RNF17: variants seen among roughly 807,000 people sequenced by gnomAD.
RNF17 encodes the protein ring finger protein 17, also known as spermatogenesis associated 23.
In RNF17, 31 loss-of-function variants were observed where a neutral mutation model predicts 200.5. The ratio of observed to expected loss-of-function variants is 0.15; its 90% CI spans 0.12 to 0.21. The LOEUF (loss-of-function observed/expected upper bound fraction) is 0.21. Among genes scored for constraint, RNF17 ranks in the 10% least tolerant of loss-of-function variants. The probability of loss-of-function intolerance (pLI) is 1.00; values close to 1 mark genes in which losing one functional copy is unlikely to be tolerated. For synonymous variants in RNF17, 606 were observed against 637.8 expected (o/e 0.95, Z 0.75); for missense variants, 1,628 against 1,905.1 (o/e 0.85, Z 2.71).
In RNF17 at chr13:24,820,412, G is replaced by A. The variant is rs145607237; in HGVS notation, c.2092-5207G>A. On this transcript the variant is annotated intron_variant, in intron 15 of 35. Transcript: ENST00000255324. ...GCTGGGATTACAGGCATGAGCCACCGCACCTGGCCTTTTTGTTTTGTTTTG... is the reference window on the plus strand; with the variant it reads ...GCTGGGATTACAGGCATGAGCCACCACACCTGGCCTTTTTGTTTTGTTTTG... 9.6e-3 allele frequency among the ~76,000 whole-genome samples: 1,447 copies of A among 150,604 alleles called. 33 individuals are homozygous for A. The highest frequency in any genetic ancestry group is 0.033 in the African/African-American group (1,336 of 41,002).
chr13:24,840,095 A>T (rs1451053117), intron 18 of RNF17, among the ~76,000 whole-genome samples: 1 of 152,240 alleles, frequency 6.6e-6, no homozygotes, highest in African/African-American at 2.4e-5. Flanking sequence ...AAAAAAAGAT[A>T]TACAAATGGC....
At chr13:24,856,675 A>G (rs890028738) in intron 25 of RNF17, among the ~76,000 whole-genome samples, 2 of 152,176 alleles carry the variant, frequency 1.3e-5, no homozygotes, top group African/African-American at 2.4e-5. Flanking sequence ...TTAAGGTTCC[A>G]TATATGCACG....
chr13:24,785,203 TGTGA>T (rs1882944657), intron 6 of RNF17, among the ~76,000 whole-genome samples: 2 of 152,100 alleles, frequency 1.3e-5, no homozygotes, highest in South Asian at 4.1e-4. Flanking sequence ...CCTTTTTAAA[TGTGA>T]GTATTTACAG....
intron 15 of RNF17, among the ~76,000 whole-genome samples, chr13:24,806,198 C>CT (rs1261561371): frequency 1.3e-5 from 2 of 152,116 alleles, no homozygotes; most frequent in Non-Finnish European, 1.5e-5. Flanking sequence ...GTGACTCATT[C>CT]TTTTTTATGT....
intron 4 of RNF17, 133 bp from the exon 5 acceptor site, chr13:24,779,534 A>G (rs1882063794): frequency 3.5e-6 from 2 of 564,722 alleles, no homozygotes; most frequent in East Asian, 5.8e-5. Flanking sequence ...GCTTGTTTTC[A>G]CTTTTCTGTA....
At chr13:24,825,817 A>G in intron 16 of RNF17, 45 bp downstream of exon 16, 1 of 1,573,848 alleles carries the variant, frequency 6.4e-7, no homozygotes, top group Non-Finnish European at 8.7e-7. Context: ...TCATACTTCA[A>G]AACTAATATC....
intron 18 of RNF17, among the ~76,000 whole-genome samples, chr13:24,837,495 C>T (rs1045974729): frequency 6.6e-6 from 1 of 152,110 alleles, no homozygotes; most frequent in Non-Finnish European, 1.5e-5. Context: ...TTATATCAAG[C>T]ACTCTCTCAG....
chr13:24,824,324 A>G (rs1888403249), intron 15 of RNF17: 3 of 631,978 alleles, frequency 4.7e-6, no homozygotes, highest in Non-Finnish European at 8.6e-6. Context: ...TTAAATGTTC[A>G]CTCTGGCTTA....
chr13:24,788,086 T>C lies in RNF17; in HGVS notation c.710T>C (p.Leu237Ser). The C allele has an allele frequency of 6.3e-7, 1 of 1,599,910 alleles. No homozygotes were observed. The highest frequency in any genetic ancestry group is 8.5e-7 in the Non-Finnish European group (1 of 1,175,874). ...TACATTGAAGAGAAAAAAAATAATT[T>C]GAATGCAGCTATGAACATAGCAAGA... The part of the protein sequence containing the change: ...KSYIEEKKNN[L>S]NAAMNIARAL... The change falls in exon 7 of 36, where the codon TTG (leucine) becomes TCG (serine). Residue 237 changes from leucine (L) to serine (S), a missense_variant. Leu to Ser is a moderately radical substitution (Grantham distance 145). This residue lies in a region of RNF17 where 502 missense variants were observed against 501.7 expected (regional missense o/e 1.00). Coordinates refer to ENST00000255324, the MANE Select transcript of RNF17 (RefSeq NM_031277.3).
chr13:24,770,893 A>T (rs1880570138), intron 2 of RNF17, among the ~76,000 whole-genome samples: 1 of 152,144 alleles, frequency 6.6e-6, no homozygotes, highest in Non-Finnish European at 1.5e-5. Flanking sequence ...CACCTCCATC[A>T]GTAGGTTCTG....
chr13:24,831,033 A>C (rs1889323961), intron 17 of RNF17, among the ~76,000 whole-genome samples: 1 of 152,226 alleles, frequency 6.6e-6, no homozygotes, highest in South Asian at 2.1e-4. Flanking sequence ...AGTATTCTGA[A>C]AGAAGGGTAA....
intron 22 of RNF17, among the ~76,000 whole-genome samples, chr13:24,848,311 A>G (rs1405345829): frequency 6.6e-6 from 1 of 152,180 alleles, no homozygotes; most frequent in African/African-American, 2.4e-5. Flanking sequence ...TTGATTAAAT[A>G]TATATTACAC....
rs534528881 is a variant in RNF17 at position 24,870,478 on chromosome 13, G to T, written c.4279-93G>T. On this transcript the variant is annotated intron_variant, in intron 31 of 35. Coordinates refer to ENST00000255324, the MANE Select transcript of RNF17 (RefSeq NM_031277.3). ...AGGTGTAGGGGTCTCTGGGAGCATC[G>T]CTGGAGGCTGTCTGCTACAGTAATT... 1.3e-5 allele frequency: 14 copies of T among 1,072,546 alleles called. 1 individual carries two copies. Among genetic ancestry groups the T allele is most frequent in the Non-Finnish European group, 1.8e-5 (13 of 720,380 alleles). 66.4% of individuals were successfully genotyped at this position (1,072,546 alleles called of 1,614,324 possible).
At chr13:24,812,742 C>T (rs1593317773) in intron 15 of RNF17, among the ~76,000 whole-genome samples, 1 of 137,166 alleles carries the variant, frequency 7.3e-6, no homozygotes, top group Admixed American at 8.5e-5. Flanking sequence ...AGTGTAGTGG[C>T]AGGATCTTGG....
intron 32 of RNF17, among the ~76,000 whole-genome samples, chr13:24,872,491 C>T (rs1487891575): frequency 6.6e-6 from 1 of 151,958 alleles, no homozygotes; most frequent in African/African-American, 2.4e-5. Flanking sequence ...ATATACCGTA[C>T]TAATTTTTCC....
Position 24,767,254 on chromosome 13 carries a change from T to A in RNF17, c.131-18T>A. 6 of 1,526,948 alleles carry A rather than the reference T, an allele frequency of 3.9e-6. No individual in the cohort carries two copies. Among genetic ancestry groups the A allele is most frequent in the Non-Finnish European group, 5.4e-6 (6 of 1,103,362 alleles). 94.6% of individuals were successfully genotyped at this position (1,526,948 alleles called of 1,614,324 possible). A position where few individuals can be genotyped will look rare whatever the true frequency, so the allele number is the denominator to read the frequency against. On this transcript the variant is annotated intron_variant, in intron 1 of 35. Transcript: ENST00000255324. ...TCATCATCATCATCAAAATAATAAT[T>A]AAGAATTTCATCAATAGGTCACCAT...
rs1045427116 is a variant in RNF17, at chr13:24,809,947, G to A, written c.2091+5518G>A. On this transcript the variant is annotated intron_variant, in intron 15 of 35. Transcript: ENST00000255324. ...TTGTTCAGTTTCCATGTAGTTGAGC[G>A]GTTTTGAGTGAGATTCTTAATCCTG... 3.4e-4 allele frequency among the ~76,000 whole-genome samples: 52 copies of A among 152,088 alleles called. 1 individual carries two copies. The highest frequency in any genetic ancestry group is 3.4e-3 in the Middle Eastern group (1 of 294).
At position 24,793,132 on chromosome 13, in the gene RNF17, G is replaced by A. The variant is rs771751414; in HGVS notation, c.1026G>A (p.Pro342=). The change falls in exon 10 of 36, where the codon CCG becomes CCA. Residue 342 remains proline, a synonymous_variant. Transcript: ENST00000255324. ...TTTCTTGTTACGATACATACCCACCGCTAGAAAAGAAAAAGGTTGACATGT... is the reference window on the plus strand; with the variant it reads ...TTTCTTGTTACGATACATACCCACCACTAGAAAAGAAAAAGGTTGACATGT... ...KELSCYDTYP[P]LEKKKVDMSV... The A allele has an allele frequency of 1.5e-5, 24 of 1,613,504 alleles. No homozygotes were observed. Among genetic ancestry groups the A allele is most frequent in the Admixed American group, 6.7e-5 (4 of 59,958 alleles).
chr13:24,885,130 G>A, the RNF17 span: 1 of 648,928 alleles, frequency 1.5e-6, no homozygotes, highest in South Asian at 1.8e-5. Context: ...GAGATTGTAT[G>A]CCGCCTTTTG....
Sources: gnomAD v4.1 joint callset for allele counts (sites outside exome capture counted in the v4.1 genomes callset) on GRCh38, gnomAD v4.1.1 for gene constraint, gnomAD v4.1.1 regional missense constraint, MANE v1.5 for transcripts, NCBI Gene and HGNC (gene_info 2026-07-23, HGNC 2026-07-21) for gene names.